MSI2: variants seen among roughly 807,000 people sequenced by gnomAD.
The protein encoded by MSI2 is musashi RNA binding protein 2, also known as RNA-binding protein Musashi homolog 2.
In MSI2, 17 loss-of-function variants were observed where a neutral mutation model predicts 45.6. The ratio of observed to expected loss-of-function variants is 0.37; its 90% CI spans 0.26 to 0.56. The LOEUF is 0.56. MSI2 is among the 20% of genes least tolerant of loss of function. The pLI is 0.77. For missense variants in MSI2, 293 were observed against 444.2 expected (o/e 0.66, Z 3.06); for synonymous variants, 156 against 158.2 (o/e 0.99, Z 0.11).
chr17:57,669,928 A>G (rs982966797), intron 11 of MSI2, among the ~76,000 whole-genome samples: 1 of 152,198 alleles, frequency 6.6e-6, no homozygotes, highest in Non-Finnish European at 1.5e-5. Flanking sequence ...GCAGCAGCAG[A>G]TAATTCACAA....
chr17:57,607,520 G>C lies in MSI2; in HGVS notation c.538-8450G>C, dbSNP rs182931746. On this transcript the variant is annotated intron_variant, in intron 8 of 13. Transcript: ENST00000284073. ...TTACAAGTAGGTCCCCTGGTGCTTG[G>C]CCACACGCTGGTCCCTGTCCACAAG... Among the ~76,000 whole-genome samples, 4 of 152,338 alleles carry C rather than the reference G, an allele frequency of 2.6e-5. No individual in the cohort carries two copies. The East Asian group carries it at 7.7e-4, about 29-fold the overall frequency.
At chr17:57,524,892 C>A (rs2086665193) in intron 6 of MSI2, among the ~76,000 whole-genome samples, 1 of 152,190 alleles carries the variant, frequency 6.6e-6, no homozygotes, top group African/African-American at 2.4e-5. Flanking sequence ...TTGCTTCTTA[C>A]CCTTAGAGTA....
intron 12 of MSI2, among the ~76,000 whole-genome samples, chr17:57,676,128 C>T (rs991267574): frequency 1.3e-5 from 2 of 152,224 alleles, no homozygotes; most frequent in Non-Finnish European, 2.9e-5. Flanking sequence ...TTGGGGGCCA[C>T]GCTGCGGAGA....
At chr17:57,526,412 A>ATGTGT (rs2086703441) in intron 6 of MSI2, among the ~76,000 whole-genome samples, 1 of 112,596 alleles carries the variant, frequency 8.9e-6, no homozygotes, top group Non-Finnish European at 2.0e-5. Flanking sequence ...TGTGTGTGAC[A>ATGTGT]GAGAGAGAGA....
chr17:57,483,860 T>C (rs577275130), intron 6 of MSI2, among the ~76,000 whole-genome samples: 15 of 152,294 alleles, frequency 9.8e-5, no homozygotes, highest in African/African-American at 3.6e-4. Context: ...AGCAAGACCC[T>C]CTTCCTCCTC....
rs1268142681 is a variant in MSI2 at position 57,529,366 on chromosome 17, G to A, written c.406-310G>A. 6.6e-6 allele frequency among the ~76,000 whole-genome samples: 1 copy of A among 152,136 alleles called. No individual in the cohort carries two copies. The highest frequency in any genetic ancestry group is 6.5e-5 in the Admixed American group (1 of 15,272). On this transcript the variant is annotated intron_variant, in intron 6 of 13. Transcript: ENST00000284073. This position sits in a 1 kb window ranked among gnomAD's most constrained non-coding sequence, Gnocchi z 5.3. ...CAGGAGGATTGCTTGAGCTCAGGAG[G>A]TCGAGACTGCAGTGAGCCGTGATGG...
rs1907161049 is a variant in MSI2, at chr17:57,610,692, C to T, written c.538-5278C>T. ...TGGGCAGCAAGGACAAGAGTGTTAG[C>T]GACCACAGGGGCCACACTCCCATCA... On this transcript the variant is annotated intron_variant, in intron 8 of 13. Transcript: ENST00000284073. Among the ~76,000 whole-genome samples, 3 of 93,190 alleles carry T rather than the reference C, an allele frequency of 3.2e-5. 1 individual carries two copies. The highest frequency in any genetic ancestry group is 1.0e-4 in the African/African-American group (3 of 29,678). 61.1% of individuals were successfully genotyped at this position (93,190 alleles called of 152,430 possible). A position where few individuals can be genotyped will look rare whatever the true frequency, so the allele number is the denominator to read the frequency against.
intron 7 of MSI2, among the ~76,000 whole-genome samples, chr17:57,568,407 G>A (rs970252504): frequency 6.6e-6 from 1 of 152,118 alleles, no homozygotes; most frequent in Non-Finnish European, 1.5e-5. Flanking sequence ...TAATCCAGTG[G>A]CACAATCCTG....
chr17:57,356,238 C>T (rs1274567254), intron 5 of MSI2, among the ~76,000 whole-genome samples: 1 of 152,162 alleles, frequency 6.6e-6, no homozygotes, highest in African/African-American at 2.4e-5. Flanking sequence ...AATTCTGGAC[C>T]TTACTACCCA....
intron 6 of MSI2, among the ~76,000 whole-genome samples, chr17:57,440,945 C>T (rs1004007614): frequency 2.0e-5 from 3 of 152,162 alleles, no homozygotes; most frequent in Non-Finnish European, 2.9e-5. Context: ...GAGGAGGCCT[C>T]GGGTCAGGGG....
At chr17:57,620,090 G>A (rs937663676) in intron 9 of MSI2, among the ~76,000 whole-genome samples, 1 of 152,208 alleles carries the variant, frequency 6.6e-6, no homozygotes, top group Non-Finnish European at 1.5e-5. Context: ...GATGGGGTCA[G>A]CCCTAGCCAG....
At chr17:57,587,658 C>T (rs550533466) in intron 7 of MSI2, among the ~76,000 whole-genome samples, 2 of 152,086 alleles carry the variant, frequency 1.3e-5, no homozygotes, top group Non-Finnish European at 2.9e-5. Flanking sequence ...ATAAAGAAGA[C>T]CCGTGTCGAC....
At chr17:57,393,731 G>C (rs914583934) in intron 5 of MSI2, among the ~76,000 whole-genome samples, 2 of 152,156 alleles carry the variant, frequency 1.3e-5, no homozygotes, top group South Asian at 4.2e-4. Flanking sequence ...ACCCAGGCTG[G>C]AGTGCAATGG....
At chr17:57,420,085 G>A (rs1220980505) in intron 6 of MSI2, among the ~76,000 whole-genome samples, 1 of 152,190 alleles carries the variant, frequency 6.6e-6, no homozygotes, top group African/African-American at 2.4e-5. Context: ...AGTGCTCTGG[G>A]ACTGAACCCA....
At chr17:57,310,735 G>A (rs1399351622) in intron 5 of MSI2, among the ~76,000 whole-genome samples, 6 of 152,172 alleles carry the variant, frequency 3.9e-5, no homozygotes, top group South Asian at 2.1e-4. Context: ...CCAGTGCCAC[G>A]GGGATATTAA....
At chr17:57,284,767 TG>T (rs1909723370) in intron 5 of MSI2, among the ~76,000 whole-genome samples, 1 of 152,172 alleles carries the variant, frequency 6.6e-6, no homozygotes, top group African/African-American at 2.4e-5. Context: ...TGGCGTCATC[TG>T]CCCCCATTGG....
intron 6 of MSI2, among the ~76,000 whole-genome samples, chr17:57,435,326 A>T (rs11869585): frequency 0.21 from 31,633 of 152,066 alleles, 3,597 homozygotes; most frequent in South Asian, 0.29. Flanking sequence ...AAGACTCAGA[A>T]GGAAGACAGG....
chr17:57,378,074 CA>C (rs1226149152), intron 5 of MSI2, among the ~76,000 whole-genome samples: 4,474 of 92,618 alleles, frequency 0.048, 205 homozygotes, highest in African/African-American at 0.15. Flanking sequence ...GACATCATCT[CA>C]AAAAAAAAAA....
At chr17:57,555,423 G>A (rs964113129) in intron 7 of MSI2, among the ~76,000 whole-genome samples, 2 of 152,182 alleles carry the variant, frequency 1.3e-5, no homozygotes, top group South Asian at 2.1e-4. Flanking sequence ...CAGGGTAGGC[G>A]TGATGGAGCC....
Sources: gnomAD v4.1 joint callset for allele counts (sites outside exome capture counted in the v4.1 genomes callset) on GRCh38, gnomAD v4.1.1 for gene constraint, Gnocchi (gnomAD v3.1) non-coding constraint, MANE v1.5 for transcripts, NCBI Gene and HGNC (gene_info 2026-07-23, HGNC 2026-07-21) for gene names.